SCN8A: variants seen among roughly 807,000 people sequenced by gnomAD.
SCN8A encodes the protein sodium voltage-gated channel alpha subunit 8.
A neutral mutation model predicts 184.1 loss-of-function variants in SCN8A; 30 were observed. The observed-to-expected ratio is 0.16, with a 90% CI of 0.12 to 0.22. SCN8A has a LOEUF of 0.22. Ranked by LOEUF, SCN8A falls within the 10% of genes least tolerant of loss-of-function variation. The pLI, the probability that SCN8A is intolerant of heterozygous loss-of-function variation, is 1.00. For missense variants in SCN8A, 1,057 were observed against 2,498.9 expected, an observed-to-expected ratio of 0.42 and a Z score of 12.30; for synonymous variants, 852 against 907.0, an observed-to-expected ratio of 0.94 and a Z score of 1.09.
Position 51,705,596 on chromosome 12 carries a change from A to G in SCN8A, c.1314A>G (p.Gln438=). 3 of 1,613,664 alleles carry G rather than the reference A, an allele frequency of 1.9e-6. No individual in the cohort carries two copies. Among genetic ancestry groups the G allele is most frequent in the Non-Finnish European group, 2.5e-6 (3 of 1,179,740 alleles). ...CTGAATTTAAAGCAATGTTGGAGCA[A>G]CTTAAGAAGCAACAGGAAGAGGCAC... The part of the protein sequence containing the change: ...KEAEFKAMLE[Q]LKKQQEEAQA... Residue 438 remains glutamine (Q), a synonymous_variant, in exon 10 of 27, where the codon CAA becomes CAG. Coordinates refer to ENST00000627620, the MANE Select transcript of SCN8A (RefSeq NM_001330260.2).
chr12:51,656,110 G>A (rs1940817252), intron 1 of SCN8A, among the ~76,000 whole-genome samples: 1 of 152,140 alleles, frequency 6.6e-6, no homozygotes, highest in African/African-American at 2.4e-5. Context: ...AGACATTTAA[G>A]CTTGTTTTAA....
At chr12:51,753,181 T>C (rs192057975) in intron 14 of SCN8A, among the ~76,000 whole-genome samples, 128 of 152,284 alleles carry the variant, frequency 8.4e-4, no homozygotes, top group Non-Finnish European at 1.5e-3. Context: ...ACAGCTAATA[T>C]TCAGGAACTC....
intron 12 of SCN8A, among the ~76,000 whole-genome samples, chr12:51,729,656 C>T (rs915069283): frequency 2.6e-5 from 4 of 152,070 alleles, no homozygotes; most frequent in Non-Finnish European, 5.9e-5. Context: ...AGAACATAAA[C>T]GTTTTCATTT....
intron 1 of SCN8A, among the ~76,000 whole-genome samples, chr12:51,595,166 G>A (rs1238433354): frequency 6.6e-6 from 1 of 152,154 alleles, no homozygotes; most frequent in East Asian, 1.9e-4. Context: ...AAGCTGGCGA[G>A]CACCCGCTTA....
chr12:51,713,326 C>T, intron 11 of SCN8A: 1 of 1,084,728 alleles, frequency 9.2e-7, no homozygotes. Context: ...TGGTCAAGCA[C>T]ACATTGCTGC....
intron 15 of SCN8A, among the ~76,000 whole-genome samples, chr12:51,763,345 T>G (rs1942790534): frequency 6.6e-6 from 1 of 152,190 alleles, no homozygotes; most frequent in Non-Finnish European, 1.5e-5. Context: ...TAAAATGGGC[T>G]TTGTGTTAGA....
intron 3 of SCN8A, among the ~76,000 whole-genome samples, chr12:51,685,560 C>T (rs1565886435): frequency 6.6e-6 from 1 of 152,342 alleles, no homozygotes; most frequent in East Asian, 1.9e-4. Flanking sequence ...TATCCATAAA[C>T]ATTCCTGGAC....
intron 1 of SCN8A, among the ~76,000 whole-genome samples, chr12:51,654,670 T>A (rs964095157): frequency 1.3e-5 from 2 of 152,134 alleles, no homozygotes; most frequent in African/African-American, 4.8e-5. Flanking sequence ...AAGATCTTTT[T>A]AATTTTCCCC....
At chr12:51,799,507 G>A (rs55779753) in intron 26 of SCN8A, among the ~76,000 whole-genome samples, 9 of 152,128 alleles carry the variant, frequency 5.9e-5, no homozygotes, top group Non-Finnish European at 7.4e-5. Context: ...AAAATCCTAC[G>A]GACCTCCTCT....
intron 1 of SCN8A, among the ~76,000 whole-genome samples, chr12:51,654,998 C>G (rs991262843): frequency 2.6e-5 from 4 of 152,138 alleles, no homozygotes; most frequent in Non-Finnish European, 5.9e-5. Context: ...CTCCCAGGTT[C>G]AAGCGATTCT....
At chr12:51,597,644 A>G (rs966517838) in intron 1 of SCN8A, among the ~76,000 whole-genome samples, 2 of 152,174 alleles carry the variant, frequency 1.3e-5, no homozygotes, top group Non-Finnish European at 2.9e-5. Flanking sequence ...TACTTTGTCA[A>G]TGAAAAAACA....
chr12:51,651,584 A>T (rs899180500), intron 1 of SCN8A, among the ~76,000 whole-genome samples: 5 of 152,228 alleles, frequency 3.3e-5, no homozygotes, highest in African/African-American at 1.2e-4. Flanking sequence ...AGATCTCAGG[A>T]GACTTATTCA....
At chr12:51,727,856 A>G (rs898288878) in intron 12 of SCN8A, among the ~76,000 whole-genome samples, 2 of 152,132 alleles carry the variant, frequency 1.3e-5, no homozygotes, top group African/African-American at 4.8e-5. Context: ...AGGCTGAGGC[A>G]GGAGAATCAC....
intron 1 of SCN8A, among the ~76,000 whole-genome samples, chr12:51,645,957 A>T (rs1264213673): frequency 4.4e-5 from 1 of 22,666 alleles, no homozygotes; most frequent in Non-Finnish European, 1.6e-4. Context: ...AATTAAAAAA[A>T]AAAAAAAATA....
At chr12:51,737,542 T>C (rs1417859875) in intron 12 of SCN8A, among the ~76,000 whole-genome samples, 1 of 152,236 alleles carries the variant, frequency 6.6e-6, no homozygotes, top group Non-Finnish European at 1.5e-5. Flanking sequence ...TATCCCCTAG[T>C]AATTTTTGAA....
chr12:51,641,815 C>T (rs564508260), intron 1 of SCN8A, among the ~76,000 whole-genome samples: 10 of 152,222 alleles, frequency 6.6e-5, no homozygotes, highest in East Asian at 3.9e-4. Flanking sequence ...AATGTAACTA[C>T]GACCTCATAA....
intron 1 of SCN8A, among the ~76,000 whole-genome samples, chr12:51,630,742 A>C (rs1199137832): frequency 2.0e-5 from 3 of 151,652 alleles, no homozygotes; most frequent in Non-Finnish European, 4.4e-5. Flanking sequence ...CTTCTTTTAT[A>C]TCTCCCTCCT....
intron 1 of SCN8A, among the ~76,000 whole-genome samples, chr12:51,613,055 T>C (rs1024315923): frequency 6.6e-6 from 1 of 152,178 alleles, no homozygotes; most frequent in Non-Finnish European, 1.5e-5. Flanking sequence ...AAGTTTTGCA[T>C]TATCTGTGTT....
chr12:51,666,892 C>A (rs910634624), intron 2 of SCN8A, among the ~76,000 whole-genome samples: 2 of 152,148 alleles, frequency 1.3e-5, no homozygotes, highest in Non-Finnish European at 2.9e-5. Flanking sequence ...TGTTGGGTTT[C>A]ACACTGACTT....
Sources: gnomAD v4.1 joint callset for allele counts (sites outside exome capture counted in the v4.1 genomes callset) on GRCh38, gnomAD v4.1.1 for gene constraint, MANE v1.5 for transcripts, NCBI Gene and HGNC (gene_info 2026-07-23, HGNC 2026-07-21) for gene names.